The following TASP1 variants were observed in gnomAD, a reference collection of about 807,000 sequenced individuals.
TASP1 encodes the protein threonine aspartase 1.
In TASP1, 16 loss-of-function variants were observed where a neutral mutation model predicts 56.6. That is an observed-to-expected ratio of 0.28 (90% CI 0.19 to 0.43). TASP1 has a LOEUF of 0.43. Among genes scored for constraint, TASP1 ranks in the 20% least tolerant of loss-of-function variants. The probability of loss-of-function intolerance (pLI) is 1.00; values close to 1 mark genes in which losing one functional copy is unlikely to be tolerated. For synonymous variants in TASP1, 179 were observed against 184.2 expected (o/e 0.97, Z 0.23); for missense variants, 393 against 511.6 (o/e 0.77, Z 2.24).
the TASP1 span, among the ~76,000 whole-genome samples, chr20:13,208,983 A>G: frequency 1.3e-5 from 2 of 152,124 alleles, no homozygotes; most frequent in Admixed American, 1.3e-4. Flanking sequence ...CTACCTCACC[A>G]ATGATGTTGG....
chr20:13,595,164 A>T (rs2047681353), intron 4 of TASP1, among the ~76,000 whole-genome samples: 1 of 152,228 alleles, frequency 6.6e-6, no homozygotes, highest in African/African-American at 2.4e-5. Context: ...TCCTTTACAG[A>T]CAAGCAAATG....
At chr20:13,349,530 A>T in the TASP1 span, among the ~76,000 whole-genome samples, 4 of 152,152 alleles carry the variant, frequency 2.6e-5, no homozygotes, top group Non-Finnish European at 4.4e-5. Flanking sequence ...TGTGCAGATA[A>T]TGTAAAAGGA....
At chr20:13,492,791 T>C (rs888458543) in intron 10 of TASP1, among the ~76,000 whole-genome samples, 8 of 152,184 alleles carry the variant, frequency 5.3e-5, no homozygotes, top group African/African-American at 1.9e-4. Flanking sequence ...TGATAAATAA[T>C]AACCAAAAGA....
the TASP1 span, among the ~76,000 whole-genome samples, chr20:13,209,832 G>A: frequency 3.6e-4 from 55 of 152,178 alleles, no homozygotes; most frequent in Admixed American, 2.8e-3. Context: ...ATTCAAAGAT[G>A]TATCACAGAC....
At chr20:13,503,228 C>A (rs1454844259) in intron 10 of TASP1, among the ~76,000 whole-genome samples, 1 of 152,090 alleles carries the variant, frequency 6.6e-6, no homozygotes, top group Non-Finnish European at 1.5e-5. Context: ...CCCTAAACAG[C>A]CCCATGGGCA....
the TASP1 span, among the ~76,000 whole-genome samples, chr20:13,266,380 T>G: frequency 6.6e-6 from 1 of 152,138 alleles, no homozygotes; most frequent in South Asian, 2.1e-4. Context: ...ATTTGACCAA[T>G]GAAGATCACC....
chr20:13,458,877 T>C (rs956656018), intron 11 of TASP1, among the ~76,000 whole-genome samples: 1 of 152,266 alleles, frequency 6.6e-6, no homozygotes, highest in Middle Eastern at 3.4e-3. Context: ...TTTTCTTTCA[T>C]ATTCTAATTG....
At chr20:13,345,505 T>C in the TASP1 span, among the ~76,000 whole-genome samples, 2 of 152,162 alleles carry the variant, frequency 1.3e-5, no homozygotes, top group South Asian at 2.1e-4. Flanking sequence ...TGGGGGGAAA[T>C]TGAGTTGTCT....
chr20:13,482,097 A>G (rs2043158779), intron 11 of TASP1, among the ~76,000 whole-genome samples: 1 of 152,144 alleles, frequency 6.6e-6, no homozygotes, highest in Admixed American at 6.6e-5. Flanking sequence ...ATTTTTGTAT[A>G]TGGTGAGAGA....
chr20:13,374,716 T>C, the TASP1 span, among the ~76,000 whole-genome samples: 1 of 152,148 alleles, frequency 6.6e-6, no homozygotes, highest in Non-Finnish European at 1.5e-5. Context: ...TATTAGTTCA[T>C]CTCTTCCCTT....
the TASP1 span, among the ~76,000 whole-genome samples, chr20:13,157,405 C>G: frequency 6.3e-3 from 959 of 152,146 alleles, 6 homozygotes; most frequent in Non-Finnish European, 0.011. Context: ...CCACTGCACT[C>G]CAGCCTGGGC....
intron 9 of TASP1, among the ~76,000 whole-genome samples, chr20:13,532,899 C>T (rs373029183): frequency 3.9e-5 from 6 of 152,282 alleles, no homozygotes; most frequent in African/African-American, 1.4e-4. Context: ...TAGAAAAATA[C>T]CATGACCAGA....
chr20:13,387,489 G>T (rs1415993422), downstream of TASP1, among the ~76,000 whole-genome samples: 1 of 152,016 alleles, frequency 6.6e-6, no homozygotes, highest in East Asian at 1.9e-4. Flanking sequence ...GTGCCTGGCT[G>T]ATTTCATTCT....
At chr20:13,276,000 C>T in the TASP1 span, among the ~76,000 whole-genome samples, 1 of 152,160 alleles carries the variant, frequency 6.6e-6, no homozygotes, top group East Asian at 1.9e-4. Flanking sequence ...GCTGGGGTTG[C>T]CACCCTTGTT....
the TASP1 span, chr20:13,298,997 C>T: frequency 1.2e-6 from 2 of 1,613,612 alleles, no homozygotes; most frequent in South Asian, 2.2e-5. Flanking sequence ...TAAAGAAGTA[C>T]ATGCACAAGG....
At chr20:13,276,803 T>G in the TASP1 span, among the ~76,000 whole-genome samples, 7 of 152,174 alleles carry the variant, frequency 4.6e-5, no homozygotes, top group Non-Finnish European at 8.8e-5. Flanking sequence ...AAACGAGCCC[T>G]CGCCATTGGA....
chr20:13,406,390 C>T (rs1051171483), intron 13 of TASP1, among the ~76,000 whole-genome samples: 5 of 152,164 alleles, frequency 3.3e-5, no homozygotes, highest in African/African-American at 7.2e-5. Context: ...GCACATCATT[C>T]GTTAGATTCA....
At chr20:13,508,630 CA>C (rs1159038130) in intron 10 of TASP1, among the ~76,000 whole-genome samples, 1 of 151,940 alleles carries the variant, frequency 6.6e-6, no homozygotes, top group East Asian at 1.9e-4. Context: ...ACCTCACTAG[CA>C]AAAAATAAAA....
At chr20:13,271,286 A>G in the TASP1 span, among the ~76,000 whole-genome samples, 4 of 152,222 alleles carry the variant, frequency 2.6e-5, no homozygotes, top group Non-Finnish European at 5.9e-5. Context: ...CTTACAAAAC[A>G]ATAAGAGGAA....
Sources: gnomAD v4.1 joint callset for allele counts (sites outside exome capture counted in the v4.1 genomes callset) on GRCh38, gnomAD v4.1.1 for gene constraint, MANE v1.5 for transcripts, NCBI Gene and HGNC (gene_info 2026-07-23, HGNC 2026-07-21) for gene names.